SASH1: variants seen among roughly 807,000 people sequenced by gnomAD.
SASH1 encodes SAM and SH3 domain containing 1, also known as SAM and SH3 domain-containing protein 1.
Under a neutral mutation model 125.2 loss-of-function variants are expected in SASH1, and 44 were observed. The ratio of observed to expected loss-of-function variants is 0.35; its 90% CI spans 0.28 to 0.45. The LOEUF is 0.45. Among genes scored for constraint, SASH1 ranks in the 20% least tolerant of loss-of-function variants. SASH1 has a pLI of 1.00. For synonymous variants in SASH1, 639 were observed against 649.1 expected (o/e 0.98, Z 0.24); for missense variants, 1,426 against 1,614.5 (o/e 0.88, Z 2.00).
At chr6:148,380,012 A>G in intron 1 of SASH1, 2 of 455,022 alleles carry the variant, frequency 4.4e-6, no homozygotes, top group Non-Finnish European at 4.4e-6. Context: ...TTCAGTTGTT[A>G]CCTGTCAGTT....
In SASH1 at chr6:148,544,071, A is replaced by G; in HGVS notation, c.2601A>G (p.Glu867=). 6.2e-7 allele frequency: 1 copy of G among 1,614,118 alleles called. No homozygotes were observed. Among genetic ancestry groups the G allele is most frequent in the African/African-American group, 1.3e-5 (1 of 75,042 alleles). ...AACCGCCCCCTCAGATTGTACCTGA[A>G]GTGCCACAGAAGACGACCGCCTCTT... ...VTEPPPQIVP[E]VPQKTTASST... The change falls in exon 18 of 20, where the codon GAA becomes GAG. Residue 867 remains glutamate, a synonymous_variant. Coordinates refer to ENST00000367467, the MANE Select transcript of SASH1 (RefSeq NM_015278.5). This position sits in a 1 kb window ranked among gnomAD's most constrained non-coding sequence, Gnocchi z 6.4.
intron 1 of SASH1, among the ~76,000 whole-genome samples, chr6:148,376,734 G>A (rs1001049009): frequency 6.6e-6 from 1 of 152,066 alleles, no homozygotes; most frequent in Non-Finnish European, 1.5e-5. Context: ...GCCTGGTGGC[G>A]TGACCTGTAG....
At chr6:148,517,171 G>C (rs961798580) in intron 9 of SASH1, among the ~76,000 whole-genome samples, 2 of 152,170 alleles carry the variant, frequency 1.3e-5, no homozygotes, top group African/African-American at 2.4e-5. Context: ...CATCACAACA[G>C]CCTTGCCAGG....
At chr6:148,412,957 G>A (rs1019935378) in intron 2 of SASH1, among the ~76,000 whole-genome samples, 1 of 152,116 alleles carries the variant, frequency 6.6e-6, no homozygotes, top group Non-Finnish European at 1.5e-5. Flanking sequence ...GACTCTGTAG[G>A]GAAATATTTA....
upstream of SASH1, among the ~76,000 whole-genome samples, chr6:148,271,553 G>A (rs1358199307): frequency 6.6e-6 from 1 of 152,096 alleles, no homozygotes; most frequent in Non-Finnish European, 1.5e-5. Context: ...TATTAAAAGG[G>A]AAATGTTTCT....
chr6:148,402,987 T>C (rs1391535330), intron 2 of SASH1, among the ~76,000 whole-genome samples: 1 of 152,156 alleles, frequency 6.6e-6, no homozygotes, highest in Non-Finnish European at 1.5e-5. Context: ...ATACTTATCA[T>C]AGATATTATT....
At position 148,474,063 on chromosome 6, in the gene SASH1, C is replaced by T. The variant is rs146971563; in HGVS notation, c.515-47C>T. The T allele has an allele frequency of 3.5e-4, 420 of 1,213,858 alleles. 3 individuals carry two copies. In the African/African-American group the frequency reaches 5.6e-3, roughly 16 times the overall value. 75.2% of individuals were successfully genotyped at this position (1,213,858 alleles called of 1,614,324 possible). A position where few individuals can be genotyped will look rare whatever the true frequency, so the allele number is the denominator to read the frequency against. On this transcript the variant is annotated intron_variant, in intron 6 of 19. Transcript: ENST00000367467. The stretch of plus-strand genomic sequence containing the variant: ...GATGTTCCGCATTGACGTTCTGTTT[C>T]GCCATTCTTGTTTTCACTCCTGTTG...
At position 148,550,826 on chromosome 6, in the gene SASH1, C is replaced by CA. The variant is rs1001540675; in HGVS notation, c.*2274dup. 3 of 151,476 alleles carry CA rather than the reference C, an allele frequency of 2.0e-5. No individual in the cohort carries two copies. Among genetic ancestry groups the CA allele is most frequent in the African/African-American group, 7.2e-5 (3 of 41,416 alleles). The allele number at this position is 151,476 out of a possible 1,614,324, so 9.4% of individuals were successfully genotyped here. On this transcript the variant is annotated 3_prime_UTR_variant, in exon 20 of 20. Transcript: ENST00000367467. ...AGATCCTGTCATTGTTTAAGCTGAG[C>CA]AAAAAACCACACAAAAGTTGTGTAA...
intron 1 of SASH1, chr6:148,380,080 G>A (rs1320403905): frequency 2.4e-6 from 1 of 424,474 alleles, no homozygotes; most frequent in Non-Finnish European, 4.8e-6. Context: ...AACCTTAGCT[G>A]TATAAAAGCA....
chr6:148,356,070 G>GTTTTTTTTTT (rs200129121), intron 1 of SASH1, among the ~76,000 whole-genome samples: 6 of 139,798 alleles, frequency 4.3e-5, no homozygotes, highest in Non-Finnish European at 3.1e-5. Context: ...GTATCATTCT[G>GTTTTTTTTTT]TTTTTTTTTT....
In SASH1 at chr6:148,299,533, G is replaced by A. The variant is rs567369809; in HGVS notation, n.74+27156G>A. On this transcript the variant is annotated intron_variant and non_coding_transcript_variant, in intron 1 of 3. Coordinates refer to the SASH1 transcript ENST00000367469. Reference sequence around the variant, plus strand: ...GACACAAAAATTAGCCGGGCATAGTGGTGCACGTCTGTAATCCCAGCTACT... The same window carrying A: ...GACACAAAAATTAGCCGGGCATAGTAGTGCACGTCTGTAATCCCAGCTACT... 4.0e-5 allele frequency among the ~76,000 whole-genome samples: 6 copies of A among 151,834 alleles called. No homozygotes were observed. The South Asian group carries it at 6.3e-4, about 16-fold the overall frequency.
At chr6:148,512,785 G>A in intron 8 of SASH1, 2 of 984,832 alleles carry the variant, frequency 2.0e-6, no homozygotes, top group Non-Finnish European at 2.4e-6. Flanking sequence ...AGTAATTTTA[G>A]AGAAATTGGA....
chr6:148,331,422 C>T (rs1167776837), intron 1 of SASH1, among the ~76,000 whole-genome samples: 6 of 152,184 alleles, frequency 3.9e-5, no homozygotes, highest in East Asian at 1.9e-4. Flanking sequence ...CTCTGCCTCC[C>T]GGGTTCAAGT....
the SASH1 span, among the ~76,000 whole-genome samples, chr6:148,194,831 A>ACCG: frequency 2.0e-5 from 3 of 152,154 alleles, no homozygotes; most frequent in Admixed American, 2.0e-4. Context: ...GCGTGAACCT[A>ACCG]GGAGGCGGAG....
chr6:148,381,617 CTT>C (rs201145545), intron 1 of SASH1, among the ~76,000 whole-genome samples: 7 of 77,892 alleles, frequency 9.0e-5, no homozygotes, highest in African/African-American at 2.1e-4. Context: ...TTCTTGCTTT[CTT>C]TTTTTTTTTT....
chr6:148,548,741 C>G lies in SASH1; in HGVS notation c.*183C>G. The G allele has an allele frequency of 1.7e-6, 1 of 579,570 alleles. No homozygotes were observed. Among genetic ancestry groups the G allele is most frequent in the Non-Finnish European group, 2.8e-6 (1 of 351,166 alleles). The allele number at this position is 579,570 out of a possible 1,614,324, so 35.9% of individuals were successfully genotyped here. On this transcript the variant is annotated 3_prime_UTR_variant, in exon 20 of 20. Coordinates refer to ENST00000367467, the MANE Select transcript of SASH1 (RefSeq NM_015278.5). ...ATCCTCTCCTCCAGAAAAGCCCCCTCGAGGAAATAAATTAGTGCGGTTCTC... is the reference window on the plus strand; with the variant it reads ...ATCCTCTCCTCCAGAAAAGCCCCCTGGAGGAAATAAATTAGTGCGGTTCTC...
rs1173599025 is a variant in SASH1 at position 148,351,928 on chromosome 6, A to G, written c.156+8705A>G. 2.0e-5 allele frequency among the ~76,000 whole-genome samples: 3 copies of G among 152,080 alleles called. No individual in the cohort carries two copies. The East Asian group carries it at 5.8e-4, about 29-fold the overall frequency. ...TAGGAGTTTGTCTTTGTCTGTTTTC[A>G]TAGGATTTTAAGGACCTCCTTTGTG... On this transcript the variant is annotated intron_variant, in intron 1 of 19. Transcript: ENST00000367467.
chr6:148,279,996 A>AT (rs1779291904), intron 1 of SASH1, among the ~76,000 whole-genome samples: 1 of 150,168 alleles, frequency 6.7e-6, no homozygotes, highest in East Asian at 2.0e-4. Context: ...AAAAAAAAAA[A>AT]AAATCCTCCC....
At chr6:148,482,032 T>C (rs1778643851) in intron 7 of SASH1, among the ~76,000 whole-genome samples, 1 of 146,358 alleles carries the variant, frequency 6.8e-6, no homozygotes, top group Non-Finnish European at 1.5e-5. Context: ...GTTCAGGACA[T>C]TCAATCTTTT....
Sources: allele counts gnomAD v4.1 joint callset (sites outside exome capture counted in the v4.1 genomes callset), GRCh38; gene constraint gnomAD v4.1.1; non-coding constraint Gnocchi (gnomAD v3.1); transcripts MANE v1.5; gene names NCBI Gene and HGNC (gene_info 2026-07-23, HGNC 2026-07-21).